Variants in FMN1 observed in about 807,000 individuals in gnomAD.
The protein encoded by FMN1 is formin-1.
In FMN1, 110 loss-of-function variants were observed where a neutral mutation model predicts 132.4. That is an observed-to-expected ratio of 0.83 (90% confidence interval 0.71 to 0.97). The LOEUF (loss-of-function observed/expected upper bound fraction) is 0.97, where lower values mean the gene tolerates loss of function less well. Among genes scored for constraint, FMN1 ranks in the 50% least tolerant of loss-of-function variants. The probability of loss-of-function intolerance (pLI) is 0.00; values close to 1 mark genes in which losing one functional copy is unlikely to be tolerated. For missense variants in FMN1, 1,792 were observed against 1,705.3 expected, an observed-to-expected ratio of 1.05 and a Z score of -0.90; for synonymous variants, 722 against 651.7, an observed-to-expected ratio of 1.11 and a Z score of -1.64.
intron 6 of FMN1, among the ~76,000 whole-genome samples, chr15:33,026,384 A>G (rs957741301): frequency 2.2e-5 from 3 of 135,170 alleles, no homozygotes; most frequent in Admixed American, 7.9e-5. Context: ...CCTTCTTTAT[A>G]AACATTAGAG....
At chr15:32,868,173 T>G (rs2059435922) in intron 16 of FMN1, among the ~76,000 whole-genome samples, 1 of 152,226 alleles carries the variant, frequency 6.6e-6, no homozygotes, top group South Asian at 2.1e-4. Context: ...TGAAAAATTC[T>G]GATAGTCCGG....
chr15:33,111,849 T>C (rs1471701893), intron 4 of FMN1, among the ~76,000 whole-genome samples: 1 of 152,056 alleles, frequency 6.6e-6, no homozygotes. Flanking sequence ...GTGATGAAAA[T>C]GTTATAAAGT....
intron 19 of FMN1, among the ~76,000 whole-genome samples, chr15:32,778,497 T>C (rs968596990): frequency 8.6e-5 from 13 of 151,928 alleles, no homozygotes; most frequent in African/African-American, 3.1e-4. Flanking sequence ...GACAAGGGAT[T>C]TGAATAGACA....
Position 32,899,973 on chromosome 15 carries a change from A to T in FMN1, c.3654+6T>A. ...ATCATGGGAACTTATTATGAAAAAT[A>T]AATACCCGACTTTTGACATCCTTGA... On this transcript the variant is annotated splice_donor_region_variant and intron_variant, in intron 14 of 20. Coordinates refer to ENST00000616417, the MANE Select transcript of FMN1 (RefSeq NM_001277313.2). 1 of 1,611,250 alleles carries T rather than the reference A, an allele frequency of 6.2e-7. No homozygotes were observed. The highest frequency in any genetic ancestry group is 8.5e-7 in the Non-Finnish European group (1 of 1,179,204).
At chr15:33,017,543 C>A (rs1041132224) in intron 6 of FMN1, among the ~76,000 whole-genome samples, 1 of 152,018 alleles carries the variant, frequency 6.6e-6, no homozygotes, top group Non-Finnish European at 1.5e-5. Context: ...CAATAACTTA[C>A]AGAAAGGAGC....
intron 3 of FMN1, among the ~76,000 whole-genome samples, chr15:33,164,326 C>T (rs1187690056): frequency 6.6e-6 from 1 of 152,106 alleles, no homozygotes; most frequent in East Asian, 1.9e-4. Context: ...GTGAGACCAC[C>T]AGCATAAGCT....
chr15:33,142,108 G>A (rs1964034900), intron 4 of FMN1, among the ~76,000 whole-genome samples: 1 of 152,072 alleles, frequency 6.6e-6, no homozygotes, highest in Non-Finnish European at 1.5e-5. Context: ...CTTCAAATAT[G>A]TACCTATAAC....
intron 4 of FMN1, among the ~76,000 whole-genome samples, chr15:33,120,070 T>A (rs1057252860): frequency 6.6e-6 from 1 of 151,910 alleles, no homozygotes; most frequent in Non-Finnish European, 1.5e-5. Flanking sequence ...TGACTCAATT[T>A]GAGGTTACAA....
intron 6 of FMN1, among the ~76,000 whole-genome samples, chr15:33,044,811 G>A (rs905669567): frequency 6.6e-6 from 1 of 152,180 alleles, no homozygotes; most frequent in African/African-American, 2.4e-5. Context: ...CCCACTGTAG[G>A]TCTCCTCTGA....
chr15:32,880,671 G>A (rs540167920), intron 16 of FMN1, among the ~76,000 whole-genome samples: 1 of 152,282 alleles, frequency 6.6e-6, no homozygotes, highest in African/African-American at 2.4e-5. Context: ...TTTTTAATCT[G>A]TCCTCATATT....
At chr15:33,097,703 C>CGT (rs1466016074) in intron 4 of FMN1, among the ~76,000 whole-genome samples, 1 of 152,126 alleles carries the variant, frequency 6.6e-6, no homozygotes, top group African/African-American at 2.4e-5. Context: ...ATCAAAAAGA[C>CGT]ATAACATGCC....
At chr15:32,845,605 C>T (rs1375096978) in intron 17 of FMN1, among the ~76,000 whole-genome samples, 7 of 152,130 alleles carry the variant, frequency 4.6e-5, no homozygotes, top group Non-Finnish European at 1.0e-4. Context: ...GAGTAAGTTA[C>T]CAAGACCCTC....
intron 6 of FMN1, among the ~76,000 whole-genome samples, chr15:33,022,934 G>C (rs1052515479): frequency 2.6e-5 from 4 of 151,646 alleles, no homozygotes; most frequent in African/African-American, 9.7e-5. Context: ...TAATCCCTGT[G>C]TTTTGGGTGG....
At chr15:33,103,925 G>A (rs1260616889) in intron 4 of FMN1, among the ~76,000 whole-genome samples, 1 of 151,976 alleles carries the variant, frequency 6.6e-6, no homozygotes, top group Non-Finnish European at 1.5e-5. Flanking sequence ...TGCCTTGGGG[G>A]CATAATCCTA....
intron 10 of FMN1, among the ~76,000 whole-genome samples, chr15:32,912,306 T>G (rs1175320451): frequency 2.6e-5 from 4 of 152,118 alleles, no homozygotes; most frequent in African/African-American, 9.7e-5. Flanking sequence ...GTGTGTTCAG[T>G]AGCAGAAAAA....
chr15:32,952,099 T>A (rs1321663480), intron 9 of FMN1, among the ~76,000 whole-genome samples: 2 of 152,204 alleles, frequency 1.3e-5, no homozygotes, highest in African/African-American at 4.8e-5. Flanking sequence ...CAGAGGCTCA[T>A]CCTTTCCTGC....
intron 3 of FMN1, among the ~76,000 whole-genome samples, chr15:33,155,914 T>C (rs1262181076): frequency 6.6e-6 from 1 of 152,204 alleles, no homozygotes; most frequent in African/African-American, 2.4e-5. Context: ...AAACTCTATA[T>C]TTCTAGTTTC....
intron 2 of FMN1, among the ~76,000 whole-genome samples, chr15:33,183,514 T>C (rs1406966766): frequency 2.6e-5 from 4 of 152,202 alleles, no homozygotes; most frequent in Admixed American, 6.5e-5. Flanking sequence ...ATTTCTATAG[T>C]TTAATCATGC....
chr15:32,918,854 G>T (rs931831478), intron 10 of FMN1, among the ~76,000 whole-genome samples: 3 of 152,180 alleles, frequency 2.0e-5, no homozygotes, highest in African/African-American at 7.2e-5. Flanking sequence ...TCTGGACTCA[G>T]CTCTGCGAGT....
Sources: allele counts gnomAD v4.1 joint callset (sites outside exome capture counted in the v4.1 genomes callset), GRCh38; gene constraint gnomAD v4.1.1; transcripts MANE v1.5; gene names NCBI Gene and HGNC (gene_info 2026-07-23, HGNC 2026-07-21).